ZNF680: variants seen among roughly 807,000 people sequenced by gnomAD.
ZNF680 encodes the protein hypothetical protein FLJ90430.
ZNF680 carries 6 observed loss-of-function variants against 12.1 expected under a neutral mutation model. The ratio of observed to expected loss-of-function variants is 0.49; its 90% confidence interval spans 0.27 to 0.98. ZNF680 has a LOEUF of 0.98. Among genes scored for constraint, ZNF680 ranks in the 50% least tolerant of loss-of-function variants. The pLI is 0.12. For synonymous variants in ZNF680, 170 were observed against 199.3 expected (o/e 0.85, Z 1.24); for missense variants, 561 against 616.3 (o/e 0.91, Z 0.95).
At position 64,521,107 on chromosome 7, in the gene ZNF680, T is replaced by A. The variant is rs1400037739; in HGVS notation, c.*54A>T. On this transcript the variant is annotated 3_prime_UTR_variant, in exon 4 of 4. Coordinates refer to ENST00000309683, the MANE Select transcript of ZNF680 (RefSeq NM_178558.5). The stretch of plus-strand genomic sequence containing the variant: ...ATCATTGGAAGGCTTTGTCAAATTC[T>A]TCACATTTTTAGGGTTTCTCAACAG... 8.6e-6 allele frequency: 13 copies of A among 1,508,948 alleles called. No homozygotes were observed. In the East Asian group the frequency reaches 2.7e-4, roughly 32 times the overall value. The allele number at this position is 1,508,948 out of a possible 1,614,324, so 93.5% of individuals were successfully genotyped here. A position where few individuals can be genotyped will look rare whatever the true frequency, so the allele number is the denominator to read the frequency against.
At chr7:64,499,145 C>A in the ZNF680 span, among the ~76,000 whole-genome samples, 1 of 151,696 alleles carries the variant, frequency 6.6e-6, no homozygotes, top group African/African-American at 2.4e-5. Context: ...CAAAATACAC[C>A]CACTAAACTA....
At chr7:64,500,769 A>G in the ZNF680 span, 1 of 317,556 alleles carries the variant, frequency 3.1e-6, no homozygotes, top group Non-Finnish European at 6.5e-6. Context: ...TCAGAATCGA[A>G]TCTCTTCTCC....
At chr7:64,510,413 TA>T in the ZNF680 span, among the ~76,000 whole-genome samples, 1 of 150,298 alleles carries the variant, frequency 6.7e-6, no homozygotes, top group Non-Finnish European at 1.5e-5. Context: ...CCCAACTCAA[TA>T]AAAAAAACAG....
chr7:64,501,997 C>CTTTTTTTTTTTTTTTTTTTT, the ZNF680 span, among the ~76,000 whole-genome samples: 1 of 104,528 alleles, frequency 9.6e-6, no homozygotes, highest in Non-Finnish European at 1.8e-5. Context: ...GGACGTATTT[C>CTTTTTTTTTTTTTTTTTTTT]TTTTTTTTTT....
intron 3 of ZNF680, among the ~76,000 whole-genome samples, chr7:64,536,559 C>T (rs775697629): frequency 6.6e-6 from 1 of 152,124 alleles, no homozygotes; most frequent in African/African-American, 2.4e-5. Flanking sequence ...AGGAATTTGC[C>T]CCCATGACCC....
At chr7:64,527,366 A>G (rs1448920825) in intron 3 of ZNF680, among the ~76,000 whole-genome samples, 1 of 152,218 alleles carries the variant, frequency 6.6e-6, no homozygotes, top group Non-Finnish European at 1.5e-5. Context: ...TATTTCTTTA[A>G]GCAATCATTT....
the ZNF680 span, among the ~76,000 whole-genome samples, chr7:64,503,012 C>T: frequency 6.6e-6 from 1 of 152,082 alleles, no homozygotes; most frequent in Non-Finnish European, 1.5e-5. Flanking sequence ...TTCCAATTCA[C>T]TATCAGTGTG....
the ZNF680 span, among the ~76,000 whole-genome samples, chr7:64,504,423 G>T: frequency 6.6e-6 from 1 of 152,096 alleles, no homozygotes. Context: ...CAATTTTTTA[G>T]CTAAGAAGAT....
chr7:64,509,456 G>A, the ZNF680 span, among the ~76,000 whole-genome samples: 1 of 152,086 alleles, frequency 6.6e-6, no homozygotes, highest in Non-Finnish European at 1.5e-5. Context: ...CACTTTTAAG[G>A]CATCTGTTCT....
chr7:64,541,400 G>T (rs1786491227), intron 3 of ZNF680, among the ~76,000 whole-genome samples: 2 of 152,076 alleles, frequency 1.3e-5, no homozygotes, highest in Non-Finnish European at 2.9e-5. Flanking sequence ...AAATTTATCA[G>T]CCATCCCTGT....
At chr7:64,539,273 T>C (rs79962412) in intron 3 of ZNF680, among the ~76,000 whole-genome samples, 33,442 of 145,802 alleles carry the variant, frequency 0.23, 3,992 homozygotes, top group South Asian at 0.29. Context: ...AGGAGAATTG[T>C]TTGAACCTGG....
the ZNF680 span, among the ~76,000 whole-genome samples, chr7:64,503,552 T>C: frequency 9.8e-3 from 1,490 of 152,194 alleles, 26 homozygotes; most frequent in African/African-American, 0.034. Context: ...AGCTAATTTT[T>C]GTATTTTTAG....
In ZNF680 at chr7:64,545,551, A is replaced by G. The variant is rs956587011; in HGVS notation, c.31-1119T>C. On this transcript the variant is annotated intron_variant, in intron 1 of 3. Transcript: ENST00000309683. Reference sequence around the variant, plus strand: ...ATTTTTATGATGTGCTGATGCACAAAGAACACAGCATCACTGCTGGAAGAC... The same window carrying G: ...ATTTTTATGATGTGCTGATGCACAAGGAACACAGCATCACTGCTGGAAGAC... Among the ~76,000 whole-genome samples the G allele has an allele frequency of 5.7e-4, 87 of 152,238 alleles. 1 individual carries two copies. The highest frequency in any genetic ancestry group is 2.0e-3 in the African/African-American group (83 of 41,472).
chr7:64,543,694 C>T lies in ZNF680; in HGVS notation c.253+13G>A. The T allele has an allele frequency of 1.2e-6, 2 of 1,608,430 alleles. No homozygotes were observed. Among genetic ancestry groups the T allele is most frequent in the Non-Finnish European group, 1.7e-6 (2 of 1,175,552 alleles). On this transcript the variant is annotated intron_variant, in intron 3 of 3. Transcript: ENST00000309683. ...CTGTGTCATCTGTTGTATTCACTAT[C>T]ACTCTCACCTACCTGGGGGTTTGGC...
rs749855063 is a variant in ZNF680 at position 64,522,045 on chromosome 7, G to A, written c.709C>T (p.Pro237Ser). The change falls in exon 4 of 4, where the codon CCC becomes TCC. Residue 237 changes from proline to serine, a missense_variant. Physicochemically the swap from Pro to Ser is moderately conservative, Grantham distance 74 (BLOSUM62 -1). Transcript: ENST00000309683. Reference protein sequence around the residue: ...KHKGIHMGEKPYKCEECGKAF... With the variant: ...KHKGIHMGEKSYKCEECGKAF... ...TTGCCACATTCCTCACATTTGTAGGGTTTCTCTCCCATATGAATTCCCTTA... is the reference window on the plus strand; with the variant it reads ...TTGCCACATTCCTCACATTTGTAGGATTTCTCTCCCATATGAATTCCCTTA... The A allele has an allele frequency of 6.2e-7, 1 of 1,612,900 alleles. No individual in the cohort carries two copies. The highest frequency in any genetic ancestry group is 8.5e-7 in the Non-Finnish European group (1 of 1,179,524).
chr7:64,502,007 T>C, the ZNF680 span, among the ~76,000 whole-genome samples: 12 of 107,878 alleles, frequency 1.1e-4, no homozygotes, highest in South Asian at 1.0e-3. Context: ...CTTTTTTTTT[T>C]TTTTTTTTTT....
chr7:64,529,469 C>T (rs1005653312), intron 3 of ZNF680, among the ~76,000 whole-genome samples: 1 of 152,012 alleles, frequency 6.6e-6, no homozygotes, highest in African/African-American at 2.4e-5. Flanking sequence ...AAAGAAAAAA[C>T]AATCAAAACT....
chr7:64,551,888 C>T (rs1787099737), intron 1 of ZNF680: 1 of 152,156 alleles, frequency 6.6e-6, no homozygotes, highest in Non-Finnish European at 1.5e-5. Context: ...AAATATTTCT[C>T]TCTAAATACC....
intron 1 of ZNF680, among the ~76,000 whole-genome samples, chr7:64,556,718 TAAAGA>T (rs1787433945): frequency 6.6e-6 from 1 of 152,060 alleles, no homozygotes; most frequent in Admixed American, 6.5e-5. Flanking sequence ...GTCAATTGGA[TAAAGA>T]AAATATTATT....
Sources: allele counts gnomAD v4.1 joint callset (sites outside exome capture counted in the v4.1 genomes callset), GRCh38; gene constraint gnomAD v4.1.1; transcripts MANE v1.5; gene names NCBI Gene and HGNC (gene_info 2026-07-23, HGNC 2026-07-21).